SNX10: variants seen among roughly 807,000 people sequenced by gnomAD.
The protein encoded by SNX10 is sorting nexin-10.
In SNX10, 25 loss-of-function variants were observed where a neutral mutation model predicts 28.5. The ratio of observed to expected loss-of-function variants is 0.88; its 90% confidence interval spans 0.64 to 1.22. SNX10 has a LOEUF of 1.22. Among genes scored for constraint, SNX10 ranks in the 50% most tolerant of loss-of-function variants. The probability of loss-of-function intolerance (pLI) is 0.00; values close to 1 mark genes in which losing one functional copy is unlikely to be tolerated. For synonymous variants in SNX10, 62 were observed against 81.4 expected, an observed-to-expected ratio of 0.76 and a Z score of 1.28; for missense variants, 223 against 242.6, an observed-to-expected ratio of 0.92 and a Z score of 0.54.
intron 1 of SNX10, among the ~76,000 whole-genome samples, chr7:26,315,856 A>G (rs971885317): frequency 1.3e-5 from 2 of 152,146 alleles, no homozygotes; most frequent in Admixed American, 6.6e-5. Context: ...TTGTATTTAG[A>G]AGGTATCTTT....
At chr7:26,295,194 C>A (rs1479526047) in intron 1 of SNX10, among the ~76,000 whole-genome samples, 1 of 152,036 alleles carries the variant, frequency 6.6e-6, no homozygotes, top group African/African-American at 2.4e-5. Flanking sequence ...GATCTGTGAA[C>A]CCCTTTCAAA....
intron 5 of SNX10, among the ~76,000 whole-genome samples, chr7:26,367,531 A>T (rs1204838296): frequency 2.0e-5 from 3 of 152,172 alleles, no homozygotes; most frequent in Non-Finnish European, 4.4e-5. Context: ...GAGGAGTCAA[A>T]TACCACAGGG....
At chr7:26,317,884 A>G (rs1276895484) in intron 1 of SNX10, among the ~76,000 whole-genome samples, 2 of 151,950 alleles carry the variant, frequency 1.3e-5, no homozygotes. Flanking sequence ...GCTGGTCTTG[A>G]ACTCCTGACT....
intron 1 of SNX10, among the ~76,000 whole-genome samples, chr7:26,310,154 C>G (rs1786765261): frequency 1.3e-5 from 2 of 152,220 alleles, no homozygotes; most frequent in Non-Finnish European, 2.9e-5. Flanking sequence ...GAATGATTAA[C>G]CATGAGTGGG....
intron 2 of SNX10, among the ~76,000 whole-genome samples, chr7:26,353,437 CTTTTTTTTTTTTT>C (rs11386172): frequency 1.3e-5 from 1 of 74,376 alleles, no homozygotes; most frequent in African/African-American, 4.8e-5. Flanking sequence ...CTGGTAAATG[CTTTTTTTTTTTTT>C]TTTTTTTTTT....
At chr7:26,355,925 A>G (rs926304671) in intron 2 of SNX10, among the ~76,000 whole-genome samples, 1 of 152,228 alleles carries the variant, frequency 6.6e-6, no homozygotes, top group Non-Finnish European at 1.5e-5. Context: ...TAGGATGAGA[A>G]TATACTGAGC....
At chr7:26,297,755 A>G (rs1786167902) in intron 1 of SNX10, among the ~76,000 whole-genome samples, 1 of 152,308 alleles carries the variant, frequency 6.6e-6, no homozygotes, top group Admixed American at 6.5e-5. Context: ...GTAAAATATC[A>G]AGAAATAATG....
intron 1 of SNX10, among the ~76,000 whole-genome samples, chr7:26,296,347 C>CT (rs1786110202): frequency 6.6e-6 from 1 of 151,586 alleles, no homozygotes; most frequent in African/African-American, 2.4e-5. Context: ...GAGGTCAAGA[C>CT]TTTGAGACCA....
chr7:26,326,736 C>T (rs1010438375), intron 1 of SNX10, among the ~76,000 whole-genome samples: 3 of 151,530 alleles, frequency 2.0e-5, no homozygotes, highest in African/African-American at 7.3e-5. Context: ...TTTATTTTTC[C>T]ATATTTTTTG....
Position 26,364,616 on chromosome 7 carries a change from C to T in SNX10, c.193C>T (p.Gln65Ter). 6.2e-7 allele frequency: 1 copy of T among 1,612,538 alleles called. No homozygotes were observed. The highest frequency in any genetic ancestry group is 8.5e-7 in the Non-Finnish European group (1 of 1,178,682). The change falls in exon 4 of 7, where the codon CAA (glutamine) becomes TAA (stop). Residue 65 changes from glutamine (Q) to a stop codon, truncating the protein, a stop_gained. Transcript: ENST00000338523. LOFTEE classifies it high-confidence loss of function. This position sits in a 1 kb window ranked among gnomAD's most constrained non-coding sequence, Gnocchi z 4.9. ...REFVWLRQRL[Q>*]SNALLVQLPE... ...ATTCGTGTGGCTGAGGCAGAGACTC[C>T]AAAGTAATGCGTTGCTGGTGTAAGT...
At chr7:26,358,078 T>C (rs1346228681) in intron 2 of SNX10, among the ~76,000 whole-genome samples, 3 of 152,076 alleles carry the variant, frequency 2.0e-5, no homozygotes, top group African/African-American at 7.2e-5. Context: ...AGGGAAGAAG[T>C]TTGCCATCCA....
At chr7:26,358,382 A>C (rs1231081468) in intron 2 of SNX10, among the ~76,000 whole-genome samples, 1 of 152,194 alleles carries the variant, frequency 6.6e-6, no homozygotes, top group South Asian at 2.1e-4. Flanking sequence ...TATAATTTAG[A>C]ATGTGCTTTT....
Position 26,353,108 on chromosome 7 carries a change from A to G in SNX10, c.24+6642A>G, listed in dbSNP as rs2128016350. Among the ~76,000 whole-genome samples the G allele has an allele frequency of 2.0e-5, 3 of 152,322 alleles. No individual in the cohort carries two copies. The South Asian group carries it at 6.2e-4, about 32-fold the overall frequency. The stretch of plus-strand genomic sequence containing the variant: ...TGTGAGCTATTATAAGTCATGTAAA[A>G]GGCAGGTCTAGCTAAATCTCATTCA... On this transcript the variant is annotated intron_variant, in intron 2 of 6. Coordinates refer to ENST00000338523, the MANE Select transcript of SNX10 (RefSeq NM_013322.3).
chr7:26,311,333 TAG>T (rs1425170960), intron 1 of SNX10, among the ~76,000 whole-genome samples: 2 of 152,072 alleles, frequency 1.3e-5, no homozygotes, highest in African/African-American at 2.4e-5. Flanking sequence ...ATATTTTTAG[TAG>T]AGAGGGGGTT....
At chr7:26,366,433 G>T (rs1789290587) in intron 5 of SNX10, among the ~76,000 whole-genome samples, 1 of 152,218 alleles carries the variant, frequency 6.6e-6, no homozygotes, top group African/African-American at 2.4e-5. Flanking sequence ...CATGGCAAGA[G>T]ACCAGAAGAA....
intron 1 of SNX10, among the ~76,000 whole-genome samples, chr7:26,339,006 A>G (rs73285206): frequency 0.012 from 1,869 of 152,324 alleles, 41 homozygotes; most frequent in African/African-American, 0.043. Context: ...CAGAGACTAC[A>G]TGGCCCCTAA....
chr7:26,316,704 C>T (rs1378627199), intron 1 of SNX10, among the ~76,000 whole-genome samples: 2 of 152,134 alleles, frequency 1.3e-5, no homozygotes, highest in Admixed American at 6.6e-5. Flanking sequence ...TACCGAGGCG[C>T]ACAGAGGGTA....
At position 26,339,530 on chromosome 7, in the gene SNX10, C is replaced by CTTTTTTTT. The variant is rs142702810; in HGVS notation, c.-23-6885_-23-6878dup. Among the ~76,000 whole-genome samples, 31 of 96,022 alleles carry CTTTTTTTT rather than the reference C, an allele frequency of 3.2e-4. 2 individuals carry two copies. Among genetic ancestry groups the CTTTTTTTT allele is most frequent in the South Asian group, 1.0e-3 (2 of 1,982 alleles). The allele number at this position is 96,022 out of a possible 152,430, so 63.0% of individuals were successfully genotyped here. A position where few individuals can be genotyped will look rare whatever the true frequency, so the allele number is the denominator to read the frequency against. ...TTTGTTTGTTGTTGTTGAGCTTGATCTTTTTTTTTTTTCTTTTTTTTTTGA... is the reference window on the plus strand; with the variant it reads ...TTTGTTTGTTGTTGTTGAGCTTGATCTTTTTTTTTTTTTTTTTTTTCTTTTTTTTTTGA... On this transcript the variant is annotated intron_variant, in intron 1 of 6. Transcript: ENST00000338523.
intron 1 of SNX10, among the ~76,000 whole-genome samples, chr7:26,330,878 G>A (rs1366555986): frequency 2.0e-5 from 3 of 152,070 alleles, no homozygotes; most frequent in South Asian, 2.1e-4. Context: ...AGCTGAGTGC[G>A]GTGGCTCACG....
Sources: gnomAD v4.1 joint callset for allele counts (sites outside exome capture counted in the v4.1 genomes callset) on GRCh38, gnomAD v4.1.1 for gene constraint, Gnocchi (gnomAD v3.1) non-coding constraint, MANE v1.5 for transcripts, NCBI Gene and HGNC (gene_info 2026-07-23, HGNC 2026-07-21) for gene names.